CNTNAP2: variants seen among roughly 807,000 people sequenced by gnomAD.
The protein encoded by CNTNAP2 is contactin associated protein 2, also known as contactin-associated protein-like 2.
CNTNAP2 carries 98 observed loss-of-function variants against 155.2 expected under a neutral mutation model. The ratio of observed to expected loss-of-function variants is 0.63; its 90% CI spans 0.54 to 0.75. CNTNAP2 has a LOEUF of 0.75. Among genes scored for constraint, CNTNAP2 ranks in the 30% least tolerant of loss-of-function variants. CNTNAP2 has a pLI of 0.00. For missense variants in CNTNAP2, 1,727 were observed against 1,688.1 expected, an observed-to-expected ratio of 1.02 and a Z score of -0.40; for synonymous variants, 651 against 631.2, an observed-to-expected ratio of 1.03 and a Z score of -0.47.
intron 10 of CNTNAP2, among the ~76,000 whole-genome samples, chr7:147,476,397 G>GC (rs913228861): frequency 6.6e-6 from 1 of 151,610 alleles, no homozygotes; most frequent in Non-Finnish European, 1.5e-5. Flanking sequence ...GAGCCACCGC[G>GC]CCCACCTCTG....
At chr7:147,094,819 T>C (rs887020782) in intron 4 of CNTNAP2, among the ~76,000 whole-genome samples, 5 of 152,126 alleles carry the variant, frequency 3.3e-5, no homozygotes, top group African/African-American at 1.2e-4. Context: ...TCTTAGTCTG[T>C]TTGGCCTGCT....
At position 147,746,678 on chromosome 7, in the gene CNTNAP2, C is replaced by T. The variant is rs370711589; in HGVS notation, c.2098+107372C>T. The stretch of plus-strand genomic sequence containing the variant: ...GAGTTCTCATTGACACCAATGGGAC[C>T]AATTGTTTTCTCCCATCACTGCTGT... On this transcript the variant is annotated intron_variant, in intron 13 of 23. Coordinates refer to ENST00000361727, the MANE Select transcript of CNTNAP2 (RefSeq NM_014141.6). Among the ~76,000 whole-genome samples, 5 of 152,156 alleles carry T rather than the reference C, an allele frequency of 3.3e-5. 1 individual carries two copies. Among genetic ancestry groups the T allele is most frequent in the African/African-American group, 1.2e-4 (5 of 41,526 alleles).
chr7:146,184,572 T>C (rs922183137), intron 1 of CNTNAP2, among the ~76,000 whole-genome samples: 2 of 152,206 alleles, frequency 1.3e-5, no homozygotes, highest in Non-Finnish European at 2.9e-5. Flanking sequence ...CTCTATTCTC[T>C]TGGTCTCAGG....
intron 6 of CNTNAP2, among the ~76,000 whole-genome samples, chr7:147,126,327 T>C (rs1161909400): frequency 6.6e-6 from 1 of 152,138 alleles, no homozygotes; most frequent in Non-Finnish European, 1.5e-5. Context: ...GATGGCAAGG[T>C]CATTAATAAA....
At chr7:146,912,042 C>G (rs190609489) in intron 3 of CNTNAP2, among the ~76,000 whole-genome samples, 140 of 151,520 alleles carry the variant, frequency 9.2e-4, no homozygotes, top group Non-Finnish European at 1.2e-3. Context: ...GTATACAATC[C>G]TTTCATTACG....
intron 9 of CNTNAP2, among the ~76,000 whole-genome samples, chr7:147,318,066 T>C (rs1184057121): frequency 1.3e-5 from 2 of 152,180 alleles, no homozygotes; most frequent in East Asian, 3.8e-4. Flanking sequence ...TAGCCATTTG[T>C]AGGTATAAAA....
intron 12 of CNTNAP2, among the ~76,000 whole-genome samples, chr7:147,593,165 G>T (rs1279047098): frequency 6.6e-6 from 1 of 150,710 alleles, no homozygotes; most frequent in African/African-American, 2.4e-5. Flanking sequence ...TATAATTGTA[G>T]GGAAAGAATA....
chr7:148,349,497 G>A lies in CNTNAP2; in HGVS notation c.3476-34152G>A, dbSNP rs532936959. Among the ~76,000 whole-genome samples, 31 of 149,472 alleles carry A rather than the reference G, an allele frequency of 2.1e-4. No individual in the cohort carries two copies. The South Asian group carries it at 6.5e-3, about 32-fold the overall frequency. ...GCTCACTGCAAGCTTTGCCTCCCAG[G>A]TTCACGCCATTCTCCTGCCTCAGTC... On this transcript the variant is annotated intron_variant, in intron 21 of 23. Coordinates refer to ENST00000361727, the MANE Select transcript of CNTNAP2 (RefSeq NM_014141.6).
chr7:147,584,080 G>A (rs757887527), intron 12 of CNTNAP2, among the ~76,000 whole-genome samples: 7 of 152,178 alleles, frequency 4.6e-5, no homozygotes, highest in South Asian at 2.1e-4. Context: ...GATTCAAGCC[G>A]CAAAGTGTTT....
chr7:147,604,343 C>A (rs1198556776), intron 12 of CNTNAP2, among the ~76,000 whole-genome samples: 1 of 152,026 alleles, frequency 6.6e-6, no homozygotes, highest in Non-Finnish European at 1.5e-5. Flanking sequence ...GGGCTAATAT[C>A]CAGAATCTAC....
At chr7:146,994,119 T>C (rs1285337276) in intron 3 of CNTNAP2, among the ~76,000 whole-genome samples, 1 of 152,144 alleles carries the variant, frequency 6.6e-6, no homozygotes, top group East Asian at 1.9e-4. Context: ...ATTAAAAACT[T>C]ATTTAAGTCC....
At chr7:147,120,559 G>T (rs1285104108) in intron 5 of CNTNAP2, among the ~76,000 whole-genome samples, 2 of 151,718 alleles carry the variant, frequency 1.3e-5, no homozygotes, top group Non-Finnish European at 2.9e-5. Flanking sequence ...TTAATAACTT[G>T]TACGTACTTT....
chr7:146,798,936 A>T (rs1802819713), intron 2 of CNTNAP2, among the ~76,000 whole-genome samples: 1 of 151,932 alleles, frequency 6.6e-6, no homozygotes, highest in Non-Finnish European at 1.5e-5. Context: ...TTTTGAGTAC[A>T]TTATGTGAGC....
chr7:147,874,833 A>G (rs1585004537), intron 13 of CNTNAP2, among the ~76,000 whole-genome samples: 3 of 152,310 alleles, frequency 2.0e-5, no homozygotes, highest in South Asian at 4.1e-4. Flanking sequence ...TCGTTCTGCC[A>G]GATACCCTAA....
At chr7:147,744,628 T>C (rs190125746) in intron 13 of CNTNAP2, among the ~76,000 whole-genome samples, 278 of 152,300 alleles carry the variant, frequency 1.8e-3, no homozygotes, top group Non-Finnish European at 3.7e-3. Context: ...ATTTATTTTC[T>C]CACAGTTTTA....
At chr7:146,202,555 C>T (rs552116099) in intron 1 of CNTNAP2, among the ~76,000 whole-genome samples, 8 of 151,878 alleles carry the variant, frequency 5.3e-5, no homozygotes, top group Non-Finnish European at 4.4e-5. Flanking sequence ...AACCTATGCC[C>T]CCAGAATTTA....
intron 1 of CNTNAP2, among the ~76,000 whole-genome samples, chr7:146,294,737 T>C (rs115457368): frequency 0.029 from 4,449 of 152,280 alleles, 98 homozygotes; most frequent in African/African-American, 0.061. Context: ...TCACTTAAGA[T>C]TGAAGTAGTA....
chr7:147,818,321 C>T (rs1798307855), intron 13 of CNTNAP2, among the ~76,000 whole-genome samples: 1 of 152,148 alleles, frequency 6.6e-6, no homozygotes, highest in Admixed American at 6.5e-5. Flanking sequence ...CAATCAAGAA[C>T]ATATTAGTTC....
At chr7:147,323,599 G>A (rs1217620638) in intron 9 of CNTNAP2, among the ~76,000 whole-genome samples, 2 of 151,716 alleles carry the variant, frequency 1.3e-5, no homozygotes, top group Non-Finnish European at 2.9e-5. Flanking sequence ...AGGTCCGCTT[G>A]GTGCAGAGCT....
Sources: gnomAD v4.1 joint callset for allele counts (sites outside exome capture counted in the v4.1 genomes callset) on GRCh38, gnomAD v4.1.1 for gene constraint, MANE v1.5 for transcripts, NCBI Gene and HGNC (gene_info 2026-07-23, HGNC 2026-07-21) for gene names.